Variants in AFAP1 observed in about 807,000 individuals in gnomAD.
The protein encoded by AFAP1 is actin filament associated protein 1.
In AFAP1, 75 loss-of-function variants were observed where a neutral mutation model predicts 93.9. That is an observed-to-expected ratio of 0.80 (90% confidence interval 0.66 to 0.97). The LOEUF is 0.97. AFAP1 is among the 50% of genes least tolerant of loss of function. AFAP1 has a pLI of 0.00. For synonymous variants in AFAP1, 517 were observed against 430.7 expected, an observed-to-expected ratio of 1.20 and a Z score of -2.48; for missense variants, 1,201 against 1,050.8, an observed-to-expected ratio of 1.14 and a Z score of -1.98.
chr4:7,876,533 A>T (rs899022118), intron 1 of AFAP1, among the ~76,000 whole-genome samples: 1 of 152,158 alleles, frequency 6.6e-6, no homozygotes, highest in Non-Finnish European at 1.5e-5. Context: ...GGTGCAAAGG[A>T]CAGAAGCCAG....
chr4:7,783,734 C>G (rs138746396), intron 12 of AFAP1, among the ~76,000 whole-genome samples: 2 of 152,172 alleles, frequency 1.3e-5, no homozygotes, highest in African/African-American at 4.8e-5. Context: ...CTGAATAAAA[C>G]GGGCTGGGTG....
intron 5 of AFAP1, among the ~76,000 whole-genome samples, chr4:7,841,767 A>G (rs1024820778): frequency 6.6e-6 from 1 of 151,900 alleles, no homozygotes; most frequent in African/African-American, 2.4e-5. Flanking sequence ...TTTTCCACTA[A>G]TTTCTTCTTA....
intron 17 of AFAP1, among the ~76,000 whole-genome samples, chr4:7,764,957 T>C (rs1714345403): frequency 6.6e-6 from 1 of 152,024 alleles, no homozygotes; most frequent in Non-Finnish European, 1.5e-5. Flanking sequence ...AATACAAAAA[T>C]TAGCTGGGTG....
In AFAP1 at chr4:7,923,743, G is replaced by C. The variant is rs375051581; in HGVS notation, c.-3+15913C>G. 4.6e-5 allele frequency among the ~76,000 whole-genome samples: 7 copies of C among 152,248 alleles called. No individual in the cohort carries two copies. In the East Asian group the frequency reaches 1.2e-3, roughly 25 times the overall value. On this transcript the variant is annotated intron_variant, in intron 1 of 17. Coordinates refer to ENST00000420658, the MANE Select transcript of AFAP1 (RefSeq NM_001134647.2). ...GCCTCCCAAAGTGCTGGGATTACAG[G>C]TGTGAGCCACCGCACCCGGCCTGGT...
chr4:7,913,515 A>G (rs928238700), intron 1 of AFAP1, among the ~76,000 whole-genome samples: 1 of 152,216 alleles, frequency 6.6e-6, no homozygotes, highest in African/African-American at 2.4e-5. Flanking sequence ...TGAAAAACAT[A>G]TAACTCTAAG....
chr4:7,846,439 C>T (rs1560195791), intron 4 of AFAP1, among the ~76,000 whole-genome samples: 1 of 152,138 alleles, frequency 6.6e-6, no homozygotes, highest in Non-Finnish European at 1.5e-5. Context: ...TACGATCCAA[C>T]GTAAACTGAG....
chr4:7,763,116 TGGCA>T lies in AFAP1; in HGVS notation c.*645_*648del, dbSNP rs1714048053. The T allele has an allele frequency of 6.6e-6, 1 of 152,622 alleles. No homozygotes were observed. Among genetic ancestry groups the T allele is most frequent in the Non-Finnish European group, 1.5e-5 (1 of 68,050 alleles). 9.5% of individuals were successfully genotyped at this position (152,622 alleles called of 1,614,324 possible). A position where few individuals can be genotyped will look rare whatever the true frequency, so the allele number is the denominator to read the frequency against. ...TTCCTAAAAAACAGGTTAAGAAGAA[TGGCA>T]GCTTTTCATGTCTTGGTGACAAAAG... On this transcript the variant is annotated 3_prime_UTR_variant, in exon 18 of 18. Transcript: ENST00000420658.
At chr4:7,923,824 C>G (rs1160134413) in intron 1 of AFAP1, among the ~76,000 whole-genome samples, 1 of 152,150 alleles carries the variant, frequency 6.6e-6, no homozygotes, top group African/African-American at 2.4e-5. Context: ...CTCATGACCT[C>G]ATCTAACCCT....
At chr4:7,907,851 A>G (rs1323116491) in intron 1 of AFAP1, among the ~76,000 whole-genome samples, 11 of 152,196 alleles carry the variant, frequency 7.2e-5, no homozygotes, top group Admixed American at 7.2e-4. Context: ...GGCCTGAGCA[A>G]AGCCATTTAA....
At chr4:7,850,443 G>A (rs1714304296) in intron 4 of AFAP1, among the ~76,000 whole-genome samples, 1 of 152,212 alleles carries the variant, frequency 6.6e-6, no homozygotes. Context: ...AGAGGGAAGA[G>A]GGCAAAACAG....
At chr4:7,823,531 A>G (rs1380006989) in intron 6 of AFAP1, among the ~76,000 whole-genome samples, 1 of 152,098 alleles carries the variant, frequency 6.6e-6, no homozygotes, top group African/African-American at 2.4e-5. Context: ...CACCCTGGCT[A>G]AGCTCCTGGC....
chr4:7,829,432 T>A (rs188633448), intron 6 of AFAP1, among the ~76,000 whole-genome samples: 14 of 152,300 alleles, frequency 9.2e-5, no homozygotes, highest in Middle Eastern at 3.4e-3. Flanking sequence ...TGAGGCCTCC[T>A]CTTAAAAGGA....
chr4:7,803,316 G>A (rs1203252998), intron 9 of AFAP1, among the ~76,000 whole-genome samples: 1 of 152,226 alleles, frequency 6.6e-6, no homozygotes, highest in Non-Finnish European at 1.5e-5. Flanking sequence ...GAGTGGTCAG[G>A]GCCCAGGCAA....
intron 9 of AFAP1, among the ~76,000 whole-genome samples, chr4:7,801,908 C>T (rs1262789286): frequency 6.3e-5 from 5 of 79,126 alleles, no homozygotes; most frequent in African/African-American, 1.6e-4. Flanking sequence ...CAGTGAGACC[C>T]TATCACAAAA....
chr4:7,793,711 C>T lies in AFAP1; in HGVS notation c.1382G>A (p.Ser461Asn), dbSNP rs1180771083. ...GGTCTGTTTGGCTGTCTGAATGACA[C>T]TTGCAGACATCTCCACATCAATGTA... The part of the protein sequence containing the change: ...YDYIDVEMSA[S>N]VIQTAKQTFC... Residue 461 changes from serine (S) to asparagine (N), a missense_variant, in exon 11 of 18, where the codon AGT becomes AAT. Physicochemically the swap from Ser to Asn is conservative, Grantham distance 46. Coordinates refer to ENST00000420658, the MANE Select transcript of AFAP1 (RefSeq NM_001134647.2). The T allele has an allele frequency of 3.2e-6, 5 of 1,570,778 alleles. No individual in the cohort carries two copies. Among genetic ancestry groups the T allele is most frequent in the Non-Finnish European group, 4.4e-6 (5 of 1,146,990 alleles).
At chr4:7,838,773 C>T (rs1712622416) in intron 5 of AFAP1, 70 bp from the exon 6 acceptor site, 1 of 1,556,996 alleles carries the variant, frequency 6.4e-7, no homozygotes, top group South Asian at 1.2e-5. Flanking sequence ...GAAGCTCTAG[C>T]ATCATGAAAA....
At position 7,843,301 on chromosome 4, in the gene AFAP1, CTCT is replaced by C; in HGVS notation, c.381_383del (p.Glu130del). ...TTTTCTTCCCCTTCCCATCCTCCTCCTCTTCATCATACGACTCATAAGAGCTGC... is the reference window on the plus strand; with the variant it reads ...TTTTCTTCCCCTTCCCATCCTCCTCCTCATCATACGACTCATAAGAGCTGC... On this transcript the variant is annotated inframe_deletion, in exon 5 of 18. Transcript: ENST00000420658. The C allele has an allele frequency of 1.2e-6, 2 of 1,614,126 alleles. No individual in the cohort carries two copies. The highest frequency in any genetic ancestry group is 1.1e-5 in the South Asian group (1 of 91,068).
intron 4 of AFAP1, among the ~76,000 whole-genome samples, chr4:7,846,871 C>G (rs973355849): frequency 6.6e-6 from 1 of 152,228 alleles, no homozygotes; most frequent in Non-Finnish European, 1.5e-5. Context: ...CTACGAGATT[C>G]ATCCAGGAGC....
intron 1 of AFAP1, among the ~76,000 whole-genome samples, chr4:7,873,011 A>C (rs1219343624): frequency 6.8e-6 from 1 of 146,170 alleles, no homozygotes; most frequent in East Asian, 2.1e-4. Flanking sequence ...GCACTTTGGG[A>C]GACCCAGGCA....
Sources: allele counts gnomAD v4.1 joint callset (sites outside exome capture counted in the v4.1 genomes callset), GRCh38; gene constraint gnomAD v4.1.1; transcripts MANE v1.5; gene names NCBI Gene and HGNC (gene_info 2026-07-23, HGNC 2026-07-21).